CREB5: variants seen among roughly 807,000 people sequenced by gnomAD.
CREB5 encodes the protein cAMP responsive element binding protein 5.
A neutral mutation model predicts 57.1 loss-of-function variants in CREB5; 19 were observed. That is an observed-to-expected ratio of 0.33 (90% CI 0.23 to 0.49). The LOEUF is 0.49. Ranked by LOEUF, CREB5 falls within the 20% of genes least tolerant of loss-of-function variation. The pLI is 0.99. For missense variants in CREB5, 579 were observed against 671.6 expected (o/e 0.86, Z 1.52); for synonymous variants, 238 against 238.3 (o/e 1.00, Z 0.01).
At chr7:28,499,382 G>A (rs766236419) in intron 3 of CREB5, among the ~76,000 whole-genome samples, 1 of 152,074 alleles carries the variant, frequency 6.6e-6, no homozygotes, top group Non-Finnish European at 1.5e-5. Context: ...GCCCTCCAAG[G>A]TAGGGCTGTG....
At chr7:28,372,128 A>G (rs1786719557) in intron 1 of CREB5, among the ~76,000 whole-genome samples, 1 of 152,200 alleles carries the variant, frequency 6.6e-6, no homozygotes, top group African/African-American at 2.4e-5. Flanking sequence ...TGGCGTATAT[A>G]CAATTAGTTA....
chr7:28,325,868 C>G (rs1785589813), intron 1 of CREB5, among the ~76,000 whole-genome samples: 1 of 152,184 alleles, frequency 6.6e-6, no homozygotes, highest in African/African-American at 2.4e-5. Context: ...CATTTTGATG[C>G]TCAAATTGTT....
intron 7 of CREB5, among the ~76,000 whole-genome samples, chr7:28,729,158 G>C (rs1247243997): frequency 1.3e-5 from 2 of 152,122 alleles, no homozygotes; most frequent in African/African-American, 4.8e-5. Flanking sequence ...GAAAGACAAG[G>C]CATCTTAGAA....
chr7:28,577,789 A>G (rs1795958553), intron 5 of CREB5, among the ~76,000 whole-genome samples: 1 of 152,184 alleles, frequency 6.6e-6, no homozygotes, highest in Non-Finnish European at 1.5e-5. Flanking sequence ...TTATTTTCAT[A>G]ATGAATTTAA....
chr7:28,462,931 A>C (rs1209333764), intron 1 of CREB5, among the ~76,000 whole-genome samples: 1 of 152,078 alleles, frequency 6.6e-6, no homozygotes, highest in Admixed American at 6.6e-5. Context: ...GATGAAGTCC[A>C]ATTGACCTAT....
chr7:28,622,334 C>T (rs1248131299), intron 5 of CREB5, among the ~76,000 whole-genome samples: 1 of 151,644 alleles, frequency 6.6e-6, no homozygotes, highest in African/African-American at 2.4e-5. Flanking sequence ...TAGAGATGTT[C>T]ATTACATCAG....
chr7:28,654,827 ATAAT>A (rs1042625576), intron 5 of CREB5, among the ~76,000 whole-genome samples: 1 of 152,208 alleles, frequency 6.6e-6, no homozygotes, highest in Admixed American at 6.5e-5. Context: ...CATAGGAATG[ATAAT>A]TAATAAATTC....
intron 1 of CREB5, among the ~76,000 whole-genome samples, chr7:28,348,040 G>A (rs1786099689): frequency 6.6e-6 from 1 of 152,104 alleles, no homozygotes; most frequent in South Asian, 2.1e-4. Context: ...TCCCAGGTGT[G>A]AGCTATGAAG....
intron 1 of CREB5, among the ~76,000 whole-genome samples, chr7:28,348,228 G>T (rs1300281956): frequency 6.6e-6 from 1 of 152,118 alleles, no homozygotes; most frequent in Non-Finnish European, 1.5e-5. Flanking sequence ...TGTGACTCAG[G>T]GAGAACAACG....
intron 1 of CREB5, among the ~76,000 whole-genome samples, chr7:28,372,177 T>G (rs977032704): frequency 7.2e-5 from 11 of 152,122 alleles, no homozygotes; most frequent in Admixed American, 1.3e-4. Context: ...AAAGGCAGAT[T>G]GATTGATGAT....
chr7:28,410,112 C>T (rs1562697284), upstream of CREB5: 1 of 384,406 alleles, frequency 2.6e-6, no homozygotes, highest in Non-Finnish European at 5.1e-6. Flanking sequence ...TGCGGAGCTG[C>T]AGCTGCCACC....
chr7:28,349,484 G>T (rs920615473), intron 1 of CREB5, among the ~76,000 whole-genome samples: 4 of 151,878 alleles, frequency 2.6e-5, no homozygotes, highest in Non-Finnish European at 4.4e-5. Flanking sequence ...AAGAGGGGAT[G>T]TAAGCCATGG....
chr7:28,713,886 C>T (rs1028618996), intron 5 of CREB5, among the ~76,000 whole-genome samples: 6 of 152,102 alleles, frequency 3.9e-5, no homozygotes, highest in African/African-American at 1.2e-4. Flanking sequence ...TTCTGTTCTC[C>T]ACCAAGTCCT....
intron 5 of CREB5, among the ~76,000 whole-genome samples, chr7:28,665,098 T>C (rs925664503): frequency 1.3e-5 from 2 of 152,204 alleles, no homozygotes; most frequent in South Asian, 2.1e-4. Context: ...AGAGAACATA[T>C]TGGGTTGCGA....
chr7:28,316,386 C>T (rs1785381171), intron 1 of CREB5, among the ~76,000 whole-genome samples: 1 of 151,766 alleles, frequency 6.6e-6, no homozygotes, highest in East Asian at 1.9e-4. Context: ...GGGGACACTG[C>T]TGGGCCAGAA....
chr7:28,402,683 T>C (rs1441718039), intron 1 of CREB5, among the ~76,000 whole-genome samples: 1 of 152,194 alleles, frequency 6.6e-6, no homozygotes, highest in Non-Finnish European at 1.5e-5. Context: ...TCAAGATGGA[T>C]TAAAGACTTA....
At chr7:28,812,429 G>A (rs925454926) in intron 9 of CREB5, among the ~76,000 whole-genome samples, 1 of 152,024 alleles carries the variant, frequency 6.6e-6, no homozygotes, top group South Asian at 2.1e-4. Context: ...TTTACCCTTC[G>A]CTAGACCCTA....
intron 1 of CREB5, among the ~76,000 whole-genome samples, 175 bp downstream of exon 1, chr7:28,413,092 A>ATGTGTGTG (rs10599936): frequency 0.092 from 13,528 of 147,218 alleles, 740 homozygotes; most frequent in South Asian, 0.13. Context: ...ATGTGGAAGG[A>ATGTGTGTG]TGTGTGTGTG....
intron 7 of CREB5, chr7:28,726,676 T>C (rs1803354158): frequency 6.6e-6 from 1 of 152,204 alleles, no homozygotes; most frequent in Admixed American, 6.5e-5. Context: ...TTCACTGTTT[T>C]CAAGGACTTT....
Sources: allele counts gnomAD v4.1 joint callset (sites outside exome capture counted in the v4.1 genomes callset), GRCh38; gene constraint gnomAD v4.1.1; transcripts MANE v1.5; gene names NCBI Gene and HGNC (gene_info 2026-07-23, HGNC 2026-07-21).